OTUD4: variants seen among roughly 807,000 people sequenced by gnomAD.
OTUD4 encodes OTU domain-containing protein 4.
A neutral mutation model predicts 130.4 loss-of-function variants in OTUD4; 24 were observed. The ratio of observed to expected loss-of-function variants is 0.18; its 90% CI spans 0.13 to 0.26. OTUD4 has a LOEUF of 0.26. Ranked by LOEUF, OTUD4 falls within the 10% of genes least tolerant of loss-of-function variation. The pLI is 1.00. For synonymous variants in OTUD4, 420 were observed against 472.5 expected (o/e 0.89, Z 1.44); for missense variants, 1,031 against 1,329.4 (o/e 0.78, Z 3.49).
intron 13 of OTUD4, among the ~76,000 whole-genome samples, chr4:145,147,298 A>C (rs1316071207): frequency 6.6e-6 from 1 of 152,186 alleles, no homozygotes; most frequent in Non-Finnish European, 1.5e-5. Flanking sequence ...GTCCTTACAC[A>C]GTCCCATTTA....
intron 13 of OTUD4, among the ~76,000 whole-genome samples, chr4:145,147,712 T>C (rs964690415): frequency 3.9e-5 from 6 of 152,138 alleles, no homozygotes; most frequent in Non-Finnish European, 7.3e-5. Flanking sequence ...AAGAGACAAT[T>C]ATCAATGAAG....
Position 145,180,129 on chromosome 4 carries a change from C to T in OTUD4, c.-156G>A. The T allele has an allele frequency of 2.9e-6, 1 of 347,510 alleles. No individual in the cohort carries two copies. The highest frequency in any genetic ancestry group is 4.2e-6 in the Non-Finnish European group (1 of 236,758). 21.5% of individuals were successfully genotyped at this position (347,510 alleles called of 1,614,324 possible). On this transcript the variant is annotated 5_prime_UTR_variant, in exon 1 of 21. Transcript: ENST00000447906. ...GGCGGCGGCGGCCCGAGGCAGCGGT[C>T]CGCGCTCTCCGGGCGCATAGGGAAG...
In OTUD4 at chr4:145,141,433, G is replaced by A. The variant is rs773572635; in HGVS notation, c.2029C>T (p.Arg677Ter). 3 of 1,613,514 alleles carry A rather than the reference G, an allele frequency of 1.9e-6. No homozygotes were observed. Among genetic ancestry groups the A allele is most frequent in the Admixed American group, 1.7e-5 (1 of 59,986 alleles). Reference sequence around the variant, plus strand: ...AGTGAATAAGGTGGTACAATGGCTCGATCTCCCTTTTCATTACAAGGAAAC... The same window carrying A: ...AGTGAATAAGGTGGTACAATGGCTCAATCTCCCTTTTCATTACAAGGAAAC... ...PGFPCNEKGDRAIVPPYSLCQ... is the reference protein window; with the variant it reads ...PGFPCNEKGD The change falls in exon 19 of 21, where the codon CGA (arginine) becomes TGA (stop). Residue 677 changes from arginine to a stop codon, truncating the protein, a stop_gained. Transcript: ENST00000447906. LOFTEE classifies it high-confidence loss of function.
At chr4:145,156,579 A>T (rs529092019) in intron 7 of OTUD4, among the ~76,000 whole-genome samples, 1 of 151,850 alleles carries the variant, frequency 6.6e-6, no homozygotes, top group Admixed American at 6.6e-5. Context: ...GCTACTCGGG[A>T]GGCTGAGGCA....
At chr4:145,146,604 T>C (rs1750840527) in intron 13 of OTUD4, among the ~76,000 whole-genome samples, 175 bp from the exon 14 acceptor site, 1 of 152,098 alleles carries the variant, frequency 6.6e-6, no homozygotes, top group Non-Finnish European at 1.5e-5. Flanking sequence ...TTTAGAACAT[T>C]TGGCAGTCTG....
chr4:145,161,600 A>C (rs1265001368), intron 6 of OTUD4, among the ~76,000 whole-genome samples: 1 of 152,182 alleles, frequency 6.6e-6, no homozygotes, highest in Non-Finnish European at 1.5e-5. Flanking sequence ...GGGAATTCAT[A>C]TGCCCAGGAA....
chr4:145,144,079 A>C (rs1750709097), intron 15 of OTUD4, 78 bp from the exon 16 acceptor site: 1 of 1,235,476 alleles, frequency 8.1e-7, no homozygotes, highest in Non-Finnish European at 1.2e-6. Context: ...ATACGAAGAT[A>C]GAAGAAGCCA....
At chr4:145,165,311 T>C in intron 3 of OTUD4, 114 bp from the exon 4 acceptor site, 1 of 605,492 alleles carries the variant, frequency 1.7e-6, no homozygotes, top group Non-Finnish European at 3.0e-6. Context: ...AAGCTCATTA[T>C]TATTAGTAGT....
chr4:145,179,590 G>A, intron 1 of OTUD4: 2 of 1,373,026 alleles, frequency 1.5e-6, no homozygotes, highest in Middle Eastern at 2.8e-4. Flanking sequence ...TCTTCATCAG[G>A]AGAGAGACAC....
chr4:145,141,999 C>G (rs36226678), intron 18 of OTUD4, among the ~76,000 whole-genome samples, 197 bp downstream of exon 18: 64 of 152,284 alleles, frequency 4.2e-4, no homozygotes, highest in African/African-American at 1.5e-3. Context: ...ACTATGAGGG[C>G]ATATGTCAGA....
In OTUD4 at chr4:145,179,946, C is replaced by A. The variant is rs1335359429; in HGVS notation, c.28G>T (p.Gly10Cys). Residue 10 changes from glycine (G) to cysteine (C), a missense_variant, in exon 1 of 21, where the codon GGC becomes TGC. By Grantham distance (159) the Gly-to-Cys change is radical (BLOSUM62 -3). Coordinates refer to ENST00000447906, the MANE Select transcript of OTUD4 (RefSeq NM_001366057.1). ...GGCCCCGCGCCGCCCTGGTCCCCGC[C>A]GTCGGGGACGCCGACGGCAGCCTCC... MEAAVGVPD[G>C]GDQGGAGPRE... 6.0e-5 allele frequency: 91 copies of A among 1,521,496 alleles called. No homozygotes were observed. Among genetic ancestry groups the A allele is most frequent in the Non-Finnish European group, 7.4e-5 (85 of 1,141,766 alleles). 94.2% of individuals were successfully genotyped at this position (1,521,496 alleles called of 1,614,324 possible).
intron 4 of OTUD4, 34 bp downstream of exon 4, chr4:145,165,117 C>T (rs17726651): frequency 0.33 from 413,284 of 1,249,444 alleles, 73,614 homozygotes; most frequent in Non-Finnish European, 0.36. Flanking sequence ...CCACTGGTTT[C>T]ATTTTCTTTT....
rs755871081 is a variant in OTUD4, at chr4:145,146,249, C to T, written c.1422+18G>A. The T allele has an allele frequency of 5.5e-5, 80 of 1,466,646 alleles. No individual in the cohort carries two copies. The South Asian group carries it at 9.7e-4, about 18-fold the overall frequency. 90.9% of individuals were successfully genotyped at this position (1,466,646 alleles called of 1,614,324 possible). On this transcript the variant is annotated intron_variant, in intron 14 of 20. Coordinates refer to ENST00000447906, the MANE Select transcript of OTUD4 (RefSeq NM_001366057.1). The stretch of plus-strand genomic sequence containing the variant: ...AAACTTCTGTATAATGACTTTTAAA[C>T]TGTCTTTTCATACATACGGAAAGGG...
At chr4:145,154,875 C>A (rs189678805) in intron 10 of OTUD4, among the ~76,000 whole-genome samples, 1 of 152,182 alleles carries the variant, frequency 6.6e-6, no homozygotes, top group African/African-American at 2.4e-5. Context: ...GGGTTAACCA[C>A]TAGTTTAAGA....
chr4:145,153,135 A>T (rs1751142641), intron 10 of OTUD4, among the ~76,000 whole-genome samples: 1 of 152,224 alleles, frequency 6.6e-6, no homozygotes, highest in South Asian at 2.1e-4. Context: ...TTAACCTCCC[A>T]GACCTCCATA....
chr4:145,180,440 G>A lies in OTUD4; in HGVS notation c.-467C>T, dbSNP rs982089152. ...CGCACTCCCCACGCCGGGAGCCGAG[G>A]AAACCAAAAAGAAAGACGCGGCCTT... On this transcript the variant is annotated 5_prime_UTR_variant, in exon 1 of 21. Transcript: ENST00000447906. Among the ~76,000 whole-genome samples the A allele has an allele frequency of 7.2e-5, 11 of 152,234 alleles. No individual in the cohort carries two copies. The highest frequency in any genetic ancestry group is 1.3e-4 in the Non-Finnish European group (9 of 68,032).
rs143593764 is a variant in OTUD4 at position 145,142,184 on chromosome 4, C to A, written c.1822+12G>T. 1.2e-6 allele frequency: 2 copies of A among 1,606,968 alleles called. No individual in the cohort carries two copies. Among genetic ancestry groups the A allele is most frequent in the African/African-American group, 1.3e-5 (1 of 74,572 alleles). ...ATTTTGGCTGGCTAGATTTTCTAAACCCTTCTCTAACCTGTTGGTCCAAAA... is the reference window on the plus strand; with the variant it reads ...ATTTTGGCTGGCTAGATTTTCTAAAACCTTCTCTAACCTGTTGGTCCAAAA... On this transcript the variant is annotated intron_variant, in intron 18 of 20. Coordinates refer to ENST00000447906, the MANE Select transcript of OTUD4 (RefSeq NM_001366057.1).
At position 145,157,944 on chromosome 4, in the gene OTUD4, T is replaced by C. The variant is rs1016420583; in HGVS notation, c.629+1559A>G. ...GCAACCAAAGGGCATGTTCTAAAAG[T>C]CCCCCAACCCCAATCACAGGTAATA... On this transcript the variant is annotated intron_variant, in intron 7 of 20. Coordinates refer to ENST00000447906, the MANE Select transcript of OTUD4 (RefSeq NM_001366057.1). Among the ~76,000 whole-genome samples the C allele has an allele frequency of 3.3e-5, 5 of 152,074 alleles. No individual in the cohort carries two copies. In the East Asian group the frequency reaches 9.7e-4, roughly 30 times the overall value.
Position 145,160,996 on chromosome 4 carries a change from G to C in OTUD4, c.497-1361C>G, listed in dbSNP as rs36225150. Among the ~76,000 whole-genome samples the C allele has an allele frequency of 5.3e-3, 800 of 152,068 alleles. 10 individuals are homozygous for C. The highest frequency in any genetic ancestry group is 8.0e-3 in the Non-Finnish European group (544 of 67,998). On this transcript the variant is annotated intron_variant, in intron 6 of 20. Coordinates refer to ENST00000447906, the MANE Select transcript of OTUD4 (RefSeq NM_001366057.1). ...TTGGTGGCGGGCATCTGTAATCCAA[G>C]CTACTCGGGAGGCTGAGGCAGGAGA...
Sources: allele counts gnomAD v4.1 joint callset (sites outside exome capture counted in the v4.1 genomes callset), GRCh38; gene constraint gnomAD v4.1.1; transcripts MANE v1.5; gene names NCBI Gene and HGNC (gene_info 2026-07-23, HGNC 2026-07-21).